Variants in MBNL1 observed in about 807,000 individuals in gnomAD.
MBNL1 encodes the protein muscleblind-like protein 1.
Under a neutral mutation model 42.2 loss-of-function variants are expected in MBNL1, and 8 were observed. That is an observed-to-expected ratio of 0.19 (90% CI 0.11 to 0.34). The LOEUF is 0.34. Ranked by LOEUF, MBNL1 falls within the 10% of genes least tolerant of loss-of-function variation. The pLI is 1.00. For missense variants in MBNL1, 309 were observed against 495.3 expected (o/e 0.62, Z 3.57); for synonymous variants, 169 against 173.9 (o/e 0.97, Z 0.22).
Position 152,406,702 on chromosome 3 carries a change from G to A in MBNL1, c.175-8239G>A, listed in dbSNP as rs539987711. Among the ~76,000 whole-genome samples the A allele has an allele frequency of 3.3e-5, 5 of 152,178 alleles. No homozygotes were observed. The East Asian group carries it at 5.8e-4, about 18-fold the overall frequency. ...TTGAGTGGGGGTGTGTTGATATTGC[G>A]TCAATAGTGAGGATATTTTGGGATA... On this transcript the variant is annotated intron_variant, in intron 2 of 9. Transcript: ENST00000324210.
intron 2 of MBNL1, among the ~76,000 whole-genome samples, chr3:152,407,691 A>G (rs113223091): frequency 9.5e-4 from 145 of 152,306 alleles, no homozygotes; most frequent in African/African-American, 3.3e-3. Context: ...TAATAGAAAA[A>G]TTAGTGTTAC....
intron 2 of MBNL1, among the ~76,000 whole-genome samples, chr3:152,330,099 T>G (rs2083332552): frequency 2.0e-5 from 3 of 152,252 alleles, no homozygotes; most frequent in African/African-American, 7.2e-5. Flanking sequence ...ATTAGGGACA[T>G]TAGTGGAACA....
At chr3:152,259,752 A>G (rs796442429) in intron 2 of MBNL1, among the ~76,000 whole-genome samples, 1 of 152,252 alleles carries the variant, frequency 6.6e-6, no homozygotes, top group South Asian at 2.1e-4. Context: ...GCAACTAGTA[A>G]TAGAATTCTG....
At chr3:152,422,757 A>G (rs2098828086) in intron 3 of MBNL1, among the ~76,000 whole-genome samples, 1 of 152,258 alleles carries the variant, frequency 6.6e-6, no homozygotes, top group African/African-American at 2.4e-5. Context: ...CTCTCAGACC[A>G]CAGTGCAATC....
rs779513371 is a variant in MBNL1, at chr3:152,445,577, A to G, written c.807+38A>G. 8 of 1,567,130 alleles carry G rather than the reference A, an allele frequency of 5.1e-6. No individual in the cohort carries two copies. The East Asian group carries it at 1.6e-4, about 31-fold the overall frequency. Reference sequence around the variant, plus strand: ...ATCAGCTCTCTCCTTGTTAGCAGTCAGAAAAGCAAAGTGAGCAACTATATC... The same window carrying G: ...ATCAGCTCTCTCCTTGTTAGCAGTCGGAAAAGCAAAGTGAGCAACTATATC... On this transcript the variant is annotated intron_variant, in intron 5 of 9. Transcript: ENST00000324210.
intron 1 of MBNL1, among the ~76,000 whole-genome samples, chr3:152,294,278 CTTTTTTT>C (rs201018898): frequency 1.7e-5 from 2 of 121,070 alleles, no homozygotes; most frequent in Non-Finnish European, 3.5e-5. Context: ...AAGTTTGATT[CTTTTTTT>C]TTTTTTTTTT....
At chr3:152,248,912 C>T (rs1488639611) in intron 2 of MBNL1, among the ~76,000 whole-genome samples, 1 of 151,938 alleles carries the variant, frequency 6.6e-6, no homozygotes, top group Non-Finnish European at 1.5e-5. Flanking sequence ...ATGATGATTT[C>T]CAATTTCATC....
chr3:152,423,669 G>GTGC (rs1414692905), intron 3 of MBNL1, among the ~76,000 whole-genome samples: 1 of 152,134 alleles, frequency 6.6e-6, no homozygotes, highest in Non-Finnish European at 1.5e-5. Context: ...GTGAACATCG[G>GTGC]TGCGAAAATC....
chr3:152,376,246 A>AT (rs1193647437), intron 2 of MBNL1, among the ~76,000 whole-genome samples: 3 of 152,152 alleles, frequency 2.0e-5, no homozygotes, highest in Non-Finnish European at 4.4e-5. Context: ...AAAATGTAAG[A>AT]TTTTTTTCTT....
At chr3:152,442,644 A>G (rs990180817) in intron 4 of MBNL1, among the ~76,000 whole-genome samples, 1 of 146,684 alleles carries the variant, frequency 6.8e-6, no homozygotes, top group Admixed American at 6.6e-5. Context: ...AGCATAGTCT[A>G]AAGTGTCCTT....
chr3:152,377,588 CATT>C (rs1425969555), intron 2 of MBNL1, among the ~76,000 whole-genome samples: 1 of 152,168 alleles, frequency 6.6e-6, no homozygotes, highest in Non-Finnish European at 1.5e-5. Context: ...TGTTTGTTGT[CATT>C]ATGTGTTCAA....
intron 6 of MBNL1, among the ~76,000 whole-genome samples, chr3:152,454,051 T>C (rs1476918671): frequency 1.3e-5 from 2 of 152,224 alleles, no homozygotes; most frequent in Non-Finnish European, 2.9e-5. Flanking sequence ...TGCTCTACTG[T>C]CTCAAATTAT....
chr3:152,387,275 A>C (rs1270200749), intron 2 of MBNL1, among the ~76,000 whole-genome samples: 4 of 122,822 alleles, frequency 3.3e-5, no homozygotes, highest in Non-Finnish European at 5.2e-5. Flanking sequence ...TGCTATTTTT[A>C]TATCACTGCG....
At chr3:152,247,753 T>C (rs1405717432) in intron 2 of MBNL1, among the ~76,000 whole-genome samples, 1 of 152,038 alleles carries the variant, frequency 6.6e-6, no homozygotes, top group East Asian at 1.9e-4. Flanking sequence ...TATATACATT[T>C]TCTAAATATA....
chr3:152,401,754 G>C (rs1284187717), intron 2 of MBNL1, among the ~76,000 whole-genome samples: 2 of 152,100 alleles, frequency 1.3e-5, no homozygotes, highest in East Asian at 1.9e-4. Flanking sequence ...GGCTGGACGT[G>C]GTGGCTCACG....
intron 2 of MBNL1, among the ~76,000 whole-genome samples, chr3:152,253,775 T>G (rs1036168342): frequency 1.3e-5 from 2 of 152,120 alleles, no homozygotes; most frequent in African/African-American, 4.8e-5. Context: ...TCTTCTTTAT[T>G]TGGGTCTCTT....
In MBNL1 at chr3:152,312,799, GTTTTGGTA is replaced by G. The variant is rs528978362; in HGVS notation, c.174+12437_174+12444del. On this transcript the variant is annotated intron_variant, in intron 2 of 9. Coordinates refer to ENST00000324210, the MANE Select transcript of MBNL1 (RefSeq NM_021038.5). The stretch of plus-strand genomic sequence containing the variant: ...TAGCTATAGTGTAACTTTTTATTGT[GTTTTGGTA>G]TTTTCTGAGTGTCTAGATTGGCCTG... Among the ~76,000 whole-genome samples, 25 of 152,102 alleles carry G rather than the reference GTTTTGGTA, an allele frequency of 1.6e-4. No homozygotes were observed. The East Asian group carries it at 4.1e-3, about 25-fold the overall frequency.
chr3:152,384,924 A>G (rs1210091287), intron 2 of MBNL1, among the ~76,000 whole-genome samples: 1 of 152,078 alleles, frequency 6.6e-6, no homozygotes, highest in East Asian at 1.9e-4. Context: ...CTCAATGGAA[A>G]TGTTCCCGTA....
At chr3:152,428,854 G>A (rs1391875563) in intron 3 of MBNL1, among the ~76,000 whole-genome samples, 2 of 152,110 alleles carry the variant, frequency 1.3e-5, no homozygotes, top group South Asian at 2.1e-4. Flanking sequence ...CACATCCTAG[G>A]CCTTTGATTC....
Sources: allele counts gnomAD v4.1 joint callset (sites outside exome capture counted in the v4.1 genomes callset), GRCh38; gene constraint gnomAD v4.1.1; transcripts MANE v1.5; gene names NCBI Gene and HGNC (gene_info 2026-07-23, HGNC 2026-07-21).